Variants in SLIT3 observed in about 807,000 individuals in gnomAD.
The protein encoded by SLIT3 is slit guidance ligand 3, also known as slit homolog 3 protein.
Under a neutral mutation model 184.0 loss-of-function variants are expected in SLIT3, and 68 were observed. That is an observed-to-expected ratio of 0.37 (90% CI 0.30 to 0.45). SLIT3 has a LOEUF of 0.45. Among genes scored for constraint, SLIT3 ranks in the 20% least tolerant of loss-of-function variants. SLIT3 has a pLI of 1.00. For synonymous variants in SLIT3, 831 were observed against 828.6 expected (o/e 1.00, Z -0.05); for missense variants, 1,707 against 2,026.0 (o/e 0.84, Z 3.02).
At chr5:169,015,973 C>A (rs1289385835) in intron 4 of SLIT3, among the ~76,000 whole-genome samples, 1 of 125,640 alleles carries the variant, frequency 8.0e-6, no homozygotes, top group Admixed American at 9.2e-5. Flanking sequence ...CACACACACA[C>A]ACACACACAC....
chr5:169,064,499 G>T (rs551577986), intron 4 of SLIT3, among the ~76,000 whole-genome samples: 8 of 152,280 alleles, frequency 5.3e-5, no homozygotes, highest in African/African-American at 1.9e-4. Flanking sequence ...CACAGAGATG[G>T]AAACTGAGGC....
At position 168,665,317 on chromosome 5, in the gene SLIT3, GA is replaced by G. The variant is rs1192714565; in HGVS notation, c.*1136del. The G allele has an allele frequency of 2.0e-5, 3 of 152,350 alleles. No individual in the cohort carries two copies. Among genetic ancestry groups the G allele is most frequent in the East Asian group, 3.9e-4 (2 of 5,174 alleles). The allele number at this position is 152,350 out of a possible 1,614,324, so 9.4% of individuals were successfully genotyped here. A position where few individuals can be genotyped will look rare whatever the true frequency, so the allele number is the denominator to read the frequency against. ...TCTCTATCGTCATGCTGGTGACCTG[GA>G]GGATCAGGTGGCAGAGGCCTGTCTT... On this transcript the variant is annotated 3_prime_UTR_variant, in exon 36 of 36. Transcript: ENST00000519560.
chr5:169,138,732 CTA>C (rs1408482236), intron 4 of SLIT3, among the ~76,000 whole-genome samples: 2 of 152,226 alleles, frequency 1.3e-5, no homozygotes, highest in East Asian at 3.9e-4. Context: ...TCCACTCGTG[CTA>C]TCTCATGCCC....
At chr5:169,156,955 C>T (rs141989939) in intron 4 of SLIT3, among the ~76,000 whole-genome samples, 9 of 152,274 alleles carry the variant, frequency 5.9e-5, no homozygotes, top group African/African-American at 2.2e-4. Context: ...CATATATCTC[C>T]AACCTGGCAG....
intron 5 of SLIT3, among the ~76,000 whole-genome samples, chr5:168,867,432 T>G (rs115628861): frequency 6.6e-6 from 1 of 152,300 alleles, no homozygotes; most frequent in African/African-American, 2.4e-5. Flanking sequence ...TAAACAATGA[T>G]GAGTCAAGCT....
chr5:168,903,258 C>T (rs1285566532), intron 4 of SLIT3, among the ~76,000 whole-genome samples: 1 of 152,238 alleles, frequency 6.6e-6, no homozygotes, highest in African/African-American at 2.4e-5. Context: ...TGAGTCTCCA[C>T]ATACACATAG....
chr5:168,718,844 T>G (rs1162529272), intron 23 of SLIT3, among the ~76,000 whole-genome samples: 1 of 152,188 alleles, frequency 6.6e-6, no homozygotes, highest in African/African-American at 2.4e-5. Flanking sequence ...ATGCTCATTC[T>G]TCTTGCTGCC....
intron 4 of SLIT3, among the ~76,000 whole-genome samples, chr5:168,890,137 TAAAAAAAAAAAA>T (rs56267999): frequency 9.1e-4 from 90 of 98,668 alleles, no homozygotes; most frequent in African/African-American, 3.0e-3. Context: ...AGACTCCATC[TAAAAAAAAAAAA>T]AAAAAAAAAA....
chr5:168,926,565 T>C (rs563845718), intron 4 of SLIT3, among the ~76,000 whole-genome samples: 2 of 152,354 alleles, frequency 1.3e-5, no homozygotes, highest in Admixed American at 6.5e-5. Flanking sequence ...CCGGCAGACC[T>C]ATATTTCTAC....
intron 5 of SLIT3, among the ~76,000 whole-genome samples, chr5:168,861,089 A>G (rs2879077): frequency 0.35 from 52,735 of 152,084 alleles, 9,563 homozygotes; most frequent in African/African-American, 0.46. Context: ...GGAGAAATTT[A>G]GACCGTATGA....
At chr5:168,969,577 G>T (rs900689901) in intron 4 of SLIT3, among the ~76,000 whole-genome samples, 4 of 152,190 alleles carry the variant, frequency 2.6e-5, no homozygotes, top group African/African-American at 7.2e-5. Flanking sequence ...CAGCCATAAA[G>T]CTATCAACAA....
At chr5:169,240,213 A>G (rs1253861846) in intron 3 of SLIT3, among the ~76,000 whole-genome samples, 1 of 151,894 alleles carries the variant, frequency 6.6e-6, no homozygotes, top group Non-Finnish European at 1.5e-5. Flanking sequence ...AAAGATGTCT[A>G]TTCTATGTTG....
At chr5:169,290,098 C>T (rs1328599349) in intron 1 of SLIT3, among the ~76,000 whole-genome samples, 1 of 151,930 alleles carries the variant, frequency 6.6e-6, no homozygotes, top group Non-Finnish European at 1.5e-5. Flanking sequence ...AGGGCATACG[C>T]CAGGGCACAC....
intron 4 of SLIT3, among the ~76,000 whole-genome samples, chr5:169,160,839 C>T (rs1762453515): frequency 6.6e-6 from 1 of 152,192 alleles, no homozygotes; most frequent in South Asian, 2.1e-4. Context: ...TTCCATCCAC[C>T]TACACTTTGA....
chr5:169,300,896 G>A lies in SLIT3; in HGVS notation c.-187C>T, dbSNP rs1326192557. On this transcript the variant is annotated 5_prime_UTR_variant, in exon 1 of 36. Coordinates refer to ENST00000519560, the MANE Select transcript of SLIT3 (RefSeq NM_003062.4). This position sits in a 1 kb window ranked among gnomAD's most constrained non-coding sequence, Gnocchi z 4.1. ...GCGGGGCGCTCCGGGCGGCGGCGGC[G>A]GCAGCAACAGCAGCTCCATCGGCGG... 2.0e-4 allele frequency: 68 copies of A among 333,410 alleles called. 1 individual carries two copies. Among genetic ancestry groups the A allele is most frequent in the South Asian group, 3.8e-4 (3 of 7,894 alleles). The allele number at this position is 333,410 out of a possible 1,614,324, so 20.7% of individuals were successfully genotyped here.
intron 3 of SLIT3, among the ~76,000 whole-genome samples, chr5:169,224,283 CTA>C (rs1451249653): frequency 6.6e-6 from 1 of 152,150 alleles, no homozygotes; most frequent in Non-Finnish European, 1.5e-5. Context: ...TAGAAAATTA[CTA>C]TGATAGGAGA....
At chr5:169,060,061 C>A (rs939030773) in intron 4 of SLIT3, among the ~76,000 whole-genome samples, 1 of 152,256 alleles carries the variant, frequency 6.6e-6, no homozygotes, top group Admixed American at 6.5e-5. Flanking sequence ...CCTGACCACA[C>A]TGGCATCCTG....
intron 4 of SLIT3, among the ~76,000 whole-genome samples, chr5:169,019,400 G>C (rs1227447092): frequency 2.6e-5 from 4 of 152,228 alleles, no homozygotes; most frequent in African/African-American, 9.6e-5. Context: ...AGAGTCCCAA[G>C]TTAATTCATT....
At chr5:169,245,716 T>C (rs1765565335) in intron 2 of SLIT3, among the ~76,000 whole-genome samples, 1 of 152,156 alleles carries the variant, frequency 6.6e-6, no homozygotes. Context: ...CCTAAGCAAA[T>C]GGCAGATGGA....
Sources: gnomAD v4.1 joint callset for allele counts (sites outside exome capture counted in the v4.1 genomes callset) on GRCh38, gnomAD v4.1.1 for gene constraint, Gnocchi (gnomAD v3.1) non-coding constraint, MANE v1.5 for transcripts, NCBI Gene and HGNC (gene_info 2026-07-23, HGNC 2026-07-21) for gene names.